The following TIAM1 variants were observed in gnomAD, a reference collection of about 807,000 sequenced individuals.
The protein encoded by TIAM1 is rho guanine nucleotide exchange factor TIAM1.
TIAM1 carries 65 observed loss-of-function variants against 163.5 expected under a neutral mutation model. The observed-to-expected ratio is 0.40, with a 90% confidence interval of 0.33 to 0.49. The LOEUF (loss-of-function observed/expected upper bound fraction) is 0.49, where lower values mean the gene tolerates loss of function less well. Ranked by LOEUF, TIAM1 falls within the 20% of genes least tolerant of loss-of-function variation. The pLI is 0.77. For missense variants in TIAM1, 1,789 were observed against 2,044.7 expected, an observed-to-expected ratio of 0.87 and a Z score of 2.41; for synonymous variants, 833 against 810.1, an observed-to-expected ratio of 1.03 and a Z score of -0.48.
chr21:31,281,926 G>A (rs2073587079), intron 2 of TIAM1, among the ~76,000 whole-genome samples: 1 of 152,118 alleles, frequency 6.6e-6, no homozygotes. Flanking sequence ...TAGCACATTA[G>A]AAAATTTTAA....
intron 5 of TIAM1, among the ~76,000 whole-genome samples, chr21:31,247,391 T>C (rs2071560783): frequency 6.6e-6 from 1 of 152,114 alleles, no homozygotes. Context: ...GTTATTTTTA[T>C]TTTTTATTAC....
At chr21:31,531,989 T>C (rs2047986628) in intron 1 of TIAM1, among the ~76,000 whole-genome samples, 2 of 152,056 alleles carry the variant, frequency 1.3e-5, no homozygotes, top group Non-Finnish European at 2.9e-5. Context: ...TGGTGGCGTG[T>C]GCCTGCAGTC....
rs1291095669 is a variant in TIAM1 at position 31,118,802 on chromosome 21, A to C, written c.*1566T>G. 2 of 362,570 alleles carry C rather than the reference A, an allele frequency of 5.5e-6. No homozygotes were observed. The highest frequency in any genetic ancestry group is 4.3e-5 in the African/African-American group (2 of 46,554). The allele number at this position is 362,570 out of a possible 1,614,324, so 22.5% of individuals were successfully genotyped here. On this transcript the variant is annotated 3_prime_UTR_variant, in exon 28 of 28. Transcript: ENST00000541036. ...AATAGAATAAAACTTTCAAAAGATCAAGCTCGAAGCCCTGGAAACCCGAAA... is the reference window on the plus strand; with the variant it reads ...AATAGAATAAAACTTTCAAAAGATCCAGCTCGAAGCCCTGGAAACCCGAAA...
In TIAM1 at chr21:31,217,535, A is replaced by T. The variant is rs376998156; in HGVS notation, c.2142+18T>A. On this transcript the variant is annotated intron_variant, in intron 9 of 27. Coordinates refer to ENST00000541036, the MANE Select transcript of TIAM1 (RefSeq NM_001353694.2). ...AGTGATTTGTGCGGGCTCACTTTTC[A>T]TCTGCTCTGGAACCTACCTGATTGA... 7 of 1,610,900 alleles carry T rather than the reference A, an allele frequency of 4.3e-6. 1 individual carries two copies. In the South Asian group the frequency reaches 6.6e-5, roughly 15 times the overall value.
At chr21:31,316,888 G>C (rs1269847755) in intron 2 of TIAM1, among the ~76,000 whole-genome samples, 14 of 152,286 alleles carry the variant, frequency 9.2e-5, no homozygotes, top group African/African-American at 3.1e-4. Flanking sequence ...CCCAGGGAGG[G>C]AGGCCTGTTA....
intron 15 of TIAM1, among the ~76,000 whole-genome samples, chr21:31,181,302 T>A (rs1372385668): frequency 6.6e-6 from 1 of 152,128 alleles, no homozygotes; most frequent in Non-Finnish European, 1.5e-5. Flanking sequence ...GAAACACATT[T>A]AGGCGAAAAG....
At chr21:31,290,529 C>A (rs2073979281) in intron 2 of TIAM1, among the ~76,000 whole-genome samples, 1 of 151,752 alleles carries the variant, frequency 6.6e-6, no homozygotes, top group South Asian at 2.1e-4. Flanking sequence ...TGCCTGTAAT[C>A]CCAGCTACTC....
intron 2 of TIAM1, among the ~76,000 whole-genome samples, chr21:31,338,376 T>C (rs562068563): frequency 9.2e-5 from 14 of 152,190 alleles, no homozygotes; most frequent in Non-Finnish European, 1.8e-4. Flanking sequence ...GAGCCCAACC[T>C]GGTAAAGGTT....
chr21:31,393,930 T>C (rs144853493), intron 2 of TIAM1, among the ~76,000 whole-genome samples: 262 of 152,310 alleles, frequency 1.7e-3, no homozygotes, highest in African/African-American at 6.2e-3. Context: ...CTTTTTTTAA[T>C]ATTTTCCAAA....
intron 2 of TIAM1, among the ~76,000 whole-genome samples, chr21:31,315,679 C>CAAAAAAAAAAAAAAAAAAAAAAAAAAAA (rs58560437): frequency 3.7e-5 from 3 of 80,250 alleles, no homozygotes; most frequent in Admixed American, 1.6e-4. Context: ...AACTCCATCT[C>CAAAAAAAAAAAAAAAAAAAAAAAAAAAA]AAAAAAAAAA....
intron 2 of TIAM1, among the ~76,000 whole-genome samples, chr21:31,323,942 A>G (rs186931723): frequency 2.6e-5 from 4 of 151,902 alleles, no homozygotes; most frequent in African/African-American, 9.7e-5. Flanking sequence ...CAGGAGTTCA[A>G]GGCTACAGTG....
chr21:31,457,278 G>A (rs1432601976), intron 2 of TIAM1, among the ~76,000 whole-genome samples: 1 of 152,140 alleles, frequency 6.6e-6, no homozygotes. Flanking sequence ...CACCCAGACG[G>A]TCATTGCTCT....
In TIAM1 at chr21:31,238,395, T is replaced by C. The variant is rs187490664; in HGVS notation, c.1584+7093A>G. Among the ~76,000 whole-genome samples the C allele has an allele frequency of 1.6e-4, 24 of 152,282 alleles. No homozygotes were observed. In the East Asian group the frequency reaches 2.7e-3, roughly 17 times the overall value. ...CATAAATGGCATAAAGCTTTCACCATAGCAAGAAGACACAAAGGTTTTCAA... is the reference window on the plus strand; with the variant it reads ...CATAAATGGCATAAAGCTTTCACCACAGCAAGAAGACACAAAGGTTTTCAA... On this transcript the variant is annotated intron_variant, in intron 6 of 27. Transcript: ENST00000541036.
At chr21:31,292,035 A>C (rs907918265) in intron 2 of TIAM1, among the ~76,000 whole-genome samples, 1 of 152,156 alleles carries the variant, frequency 6.6e-6, no homozygotes, top group African/African-American at 2.4e-5. Context: ...TGGTAAATGT[A>C]ACATAGGCTT....
intron 27 of TIAM1, among the ~76,000 whole-genome samples, chr21:31,121,204 A>C (rs2081988737): frequency 1.3e-5 from 2 of 152,152 alleles, no homozygotes; most frequent in African/African-American, 4.8e-5. Context: ...TAGACAGACC[A>C]CTGATTTGGG....
chr21:31,365,801 A>G (rs577889030), intron 2 of TIAM1, among the ~76,000 whole-genome samples: 2 of 152,170 alleles, frequency 1.3e-5, no homozygotes, highest in South Asian at 4.2e-4. Context: ...GCAAGATTTC[A>G]CTGTCAAAGT....
At chr21:31,506,868 G>C (rs1411193584) in intron 1 of TIAM1, among the ~76,000 whole-genome samples, 1 of 152,296 alleles carries the variant, frequency 6.6e-6, no homozygotes, top group East Asian at 1.9e-4. Context: ...AGTGAGCCGA[G>C]ATCGTGCCAC....
At chr21:31,150,154 G>C (rs1220493207) in intron 19 of TIAM1, among the ~76,000 whole-genome samples, 3 of 152,128 alleles carry the variant, frequency 2.0e-5, no homozygotes, top group Non-Finnish European at 4.4e-5. Flanking sequence ...TAACTTTTCT[G>C]TAAGTCTGAA....
intron 2 of TIAM1, among the ~76,000 whole-genome samples, chr21:31,370,969 T>G (rs2147154898): frequency 6.6e-6 from 1 of 152,228 alleles, no homozygotes; most frequent in South Asian, 2.1e-4. Flanking sequence ...GCCATTTGAG[T>G]TTGGCCCCCA....
Sources: allele counts gnomAD v4.1 joint callset (sites outside exome capture counted in the v4.1 genomes callset), GRCh38; gene constraint gnomAD v4.1.1; transcripts MANE v1.5; gene names NCBI Gene and HGNC (gene_info 2026-07-23, HGNC 2026-07-21).